The following MRPL48 variants were observed in gnomAD, a reference collection of about 807,000 sequenced individuals.
The protein encoded by MRPL48 is large ribosomal subunit protein mL48.
A neutral mutation model predicts 32.9 loss-of-function variants in MRPL48; 16 were observed. That is an observed-to-expected ratio of 0.49 (90% CI 0.33 to 0.74). The LOEUF is 0.74. MRPL48 is among the 30% of genes least tolerant of loss of function. The probability of loss-of-function intolerance (pLI) is 0.02; values close to 1 mark genes in which losing one functional copy is unlikely to be tolerated. For synonymous variants in MRPL48, 94 were observed against 89.2 expected (o/e 1.05, Z -0.31); for missense variants, 206 against 245.3 (o/e 0.84, Z 1.07).
At chr11:73,825,121 T>C (rs545238849) in intron 3 of MRPL48, among the ~76,000 whole-genome samples, 121 of 152,344 alleles carry the variant, frequency 7.9e-4, no homozygotes, top group Non-Finnish European at 1.4e-3. Flanking sequence ...TTTCTTGTCA[T>C]CTAGTCCTTA....
intron 4 of MRPL48, among the ~76,000 whole-genome samples, chr11:73,841,658 G>A (rs1481281629): frequency 6.6e-6 from 1 of 152,158 alleles, no homozygotes; most frequent in East Asian, 1.9e-4. Context: ...TAGGGTACTG[G>A]TAATGTTCTG....
Position 73,826,659 on chromosome 11 carries a change from A to G in MRPL48, c.201+863A>G, listed in dbSNP as rs1286738010. Among the ~76,000 whole-genome samples the G allele has an allele frequency of 2.6e-5, 4 of 151,740 alleles. No homozygotes were observed. The East Asian group carries it at 7.8e-4, about 29-fold the overall frequency. ...ACACCTGGCTAATTTCTGTATTTCTAGTAGAGGTGGGGTTTTACCATGTTG... is the reference window on the plus strand; with the variant it reads ...ACACCTGGCTAATTTCTGTATTTCTGGTAGAGGTGGGGTTTTACCATGTTG... On this transcript the variant is annotated intron_variant, in intron 4 of 7. Coordinates refer to ENST00000310614, the MANE Select transcript of MRPL48 (RefSeq NM_016055.6).
chr11:73,819,475 T>A (rs959587918), intron 3 of MRPL48, among the ~76,000 whole-genome samples: 17 of 152,174 alleles, frequency 1.1e-4, no homozygotes, highest in African/African-American at 3.9e-4. Context: ...TTATTATATA[T>A]TGGAGGCATG....
At chr11:73,817,790 A>AT in intron 3 of MRPL48, 1 of 382,790 alleles carries the variant, frequency 2.6e-6, no homozygotes, top group South Asian at 2.0e-5. Flanking sequence ...TCAGATATTT[A>AT]TTTTTGTTGT....
chr11:73,792,896 TCAA>T (rs1384320569), intron 1 of MRPL48, among the ~76,000 whole-genome samples: 1 of 152,218 alleles, frequency 6.6e-6, no homozygotes, highest in Non-Finnish European at 1.5e-5. Flanking sequence ...TTTAATCATG[TCAA>T]CAAGTCTATG....
intron 5 of MRPL48, among the ~76,000 whole-genome samples, chr11:73,847,330 T>C (rs1378032004): frequency 2.0e-5 from 3 of 152,210 alleles, no homozygotes; most frequent in African/African-American, 7.2e-5. Context: ...TGCTTATTTG[T>C]CATCTGTGTA....
At chr11:73,839,874 G>A (rs1407284123) in intron 4 of MRPL48, among the ~76,000 whole-genome samples, 1 of 152,168 alleles carries the variant, frequency 6.6e-6, no homozygotes, top group African/African-American at 2.4e-5. Context: ...GAGGTGGAAG[G>A]ATCGCTTGAG....
chr11:73,791,164 C>T (rs994010038), intron 1 of MRPL48, among the ~76,000 whole-genome samples: 1 of 151,950 alleles, frequency 6.6e-6, no homozygotes, highest in South Asian at 2.1e-4. Context: ...GGATTACAGG[C>T]GTGTGCCACC....
intron 5 of MRPL48, among the ~76,000 whole-genome samples, chr11:73,845,551 T>C (rs937573047): frequency 2.4e-4 from 36 of 152,088 alleles, no homozygotes; most frequent in African/African-American, 8.7e-4. Context: ...GGTGGGAGGA[T>C]CACTTGATCC....
At chr11:73,796,949 C>T (rs1445040690) in intron 1 of MRPL48, among the ~76,000 whole-genome samples, 1 of 152,120 alleles carries the variant, frequency 6.6e-6, no homozygotes, top group Non-Finnish European at 1.5e-5. Context: ...CGCCTGTAAT[C>T]CCAGCTACTT....
At position 73,787,881 on chromosome 11, in the gene MRPL48, C is replaced by T. The variant is rs962324888; in HGVS notation, c.-91C>T. On this transcript the variant is annotated 5_prime_UTR_variant, in exon 1 of 8. Coordinates refer to ENST00000310614, the MANE Select transcript of MRPL48 (RefSeq NM_016055.6). Reference sequence around the variant, plus strand: ...ATATTGCTGCTGCACCTGGTCAAGGCCGTTCCTTCAGTGTTTTCAGACGCC... The same window carrying T: ...ATATTGCTGCTGCACCTGGTCAAGGTCGTTCCTTCAGTGTTTTCAGACGCC... 10 of 1,505,344 alleles carry T rather than the reference C, an allele frequency of 6.6e-6. No homozygotes were observed. Among genetic ancestry groups the T allele is most frequent in the Non-Finnish European group, 9.0e-6 (10 of 1,111,482 alleles). 93.2% of individuals were successfully genotyped at this position (1,505,344 alleles called of 1,614,324 possible). A position where few individuals can be genotyped will look rare whatever the true frequency, so the allele number is the denominator to read the frequency against.
intron 1 of MRPL48, among the ~76,000 whole-genome samples, chr11:73,794,124 C>T (rs1409112812): frequency 6.6e-6 from 1 of 151,362 alleles, no homozygotes; most frequent in Non-Finnish European, 1.5e-5. Flanking sequence ...GAGGCCAAGG[C>T]TGCAGCGAGC....
At chr11:73,839,263 T>C (rs1948151176) in intron 4 of MRPL48, among the ~76,000 whole-genome samples, 1 of 152,218 alleles carries the variant, frequency 6.6e-6, no homozygotes, top group South Asian at 2.1e-4. Context: ...AGGGAACCAT[T>C]CCAGGTGCTC....
rs956423852 is a variant in MRPL48, at chr11:73,799,437, G to A, written c.22-5590G>A. 2.0e-5 allele frequency among the ~76,000 whole-genome samples: 3 copies of A among 152,300 alleles called. No individual in the cohort carries two copies. In the South Asian group the frequency reaches 6.2e-4, roughly 32 times the overall value. On this transcript the variant is annotated intron_variant, in intron 1 of 7. Coordinates refer to ENST00000310614, the MANE Select transcript of MRPL48 (RefSeq NM_016055.6). ...TGTCATGTAATAGCCGACTTGCTTT[G>A]CAACAGGAGTATAGGATATAGTATA...
At chr11:73,839,349 G>A (rs34793574) in intron 4 of MRPL48, among the ~76,000 whole-genome samples, 8,377 of 152,048 alleles carry the variant, frequency 0.055, 256 homozygotes, top group Middle Eastern at 0.11. Flanking sequence ...ATATCAGTAG[G>A]GATAGTTTTT....
intron 4 of MRPL48, among the ~76,000 whole-genome samples, chr11:73,830,151 C>T (rs1028749761): frequency 8.5e-5 from 13 of 152,208 alleles, no homozygotes; most frequent in Admixed American, 5.9e-4. Flanking sequence ...CCTCAGTGTC[C>T]GGCACAGGGC....
intron 3 of MRPL48, among the ~76,000 whole-genome samples, chr11:73,824,863 C>T (rs896405957): frequency 1.7e-4 from 26 of 152,176 alleles, no homozygotes; most frequent in African/African-American, 6.3e-4. Flanking sequence ...TAGTGGGGAT[C>T]GTGCATATTC....
chr11:73,812,427 T>C (rs966334218), intron 3 of MRPL48, among the ~76,000 whole-genome samples: 1 of 152,140 alleles, frequency 6.6e-6, no homozygotes, highest in Non-Finnish European at 1.5e-5. Context: ...GGAATTGAAA[T>C]TGCTGAGTCA....
At chr11:73,810,469 C>T (rs192175847) in intron 3 of MRPL48, among the ~76,000 whole-genome samples, 7 of 151,912 alleles carry the variant, frequency 4.6e-5, no homozygotes, top group Admixed American at 2.6e-4. Flanking sequence ...TGCAGTGAGC[C>T]GAGATCGTGC....
Sources: allele counts gnomAD v4.1 joint callset (sites outside exome capture counted in the v4.1 genomes callset), GRCh38; gene constraint gnomAD v4.1.1; transcripts MANE v1.5; gene names NCBI Gene and HGNC (gene_info 2026-07-23, HGNC 2026-07-21).